Variants in NADSYN1 observed in about 807,000 individuals in gnomAD.
NADSYN1 encodes the protein glutamine-dependent NAD(+) synthetase.
NADSYN1 carries 80 observed loss-of-function variants against 99.3 expected under a neutral mutation model. The observed-to-expected ratio is 0.81, with a 90% confidence interval of 0.67 to 0.97. The LOEUF (loss-of-function observed/expected upper bound fraction) is 0.97. Ranked by LOEUF, NADSYN1 falls within the 50% of genes least tolerant of loss-of-function variation. NADSYN1 has a pLI of 0.00. For missense variants in NADSYN1, 859 were observed against 948.5 expected (o/e 0.91, Z 1.24); for synonymous variants, 385 against 372.1 (o/e 1.03, Z -0.40).
chr11:71,466,533 G>A (rs183885752), intron 5 of NADSYN1, among the ~76,000 whole-genome samples: 75 of 152,332 alleles, frequency 4.9e-4, no homozygotes, highest in Non-Finnish European at 1.2e-4. Flanking sequence ...CTCCGTGGGT[G>A]GATGGCTTTG....
intron 12 of NADSYN1, 89 bp downstream of exon 12, chr11:71,481,493 T>C (rs1949707663): frequency 3.8e-6 from 5 of 1,306,340 alleles, no homozygotes; most frequent in East Asian, 4.6e-5. Flanking sequence ...ATTTTTTTTT[T>C]TTTTTTTAGT....
chr11:71,487,042 G>A (rs982885709), intron 16 of NADSYN1, among the ~76,000 whole-genome samples: 12 of 152,158 alleles, frequency 7.9e-5, no homozygotes, highest in African/African-American at 2.4e-4. Flanking sequence ...TCCTGACCTC[G>A]TGATCCGCCC....
chr11:71,487,371 A>G (rs1565605444), intron 16 of NADSYN1, among the ~76,000 whole-genome samples: 1 of 152,170 alleles, frequency 6.6e-6, no homozygotes, highest in Non-Finnish European at 1.5e-5. Context: ...TTGCTTTTGT[A>G]GATGAGGAAG....
At chr11:71,458,706 C>A (rs987932183) in intron 3 of NADSYN1, 162 bp downstream of exon 3, 11 of 588,862 alleles carry the variant, frequency 1.9e-5, no homozygotes, top group Non-Finnish European at 3.4e-5. Flanking sequence ...ATCTCAGCCC[C>A]GTAAGCCACC....
At chr11:71,471,218 G>A (rs1032088470) in intron 5 of NADSYN1, among the ~76,000 whole-genome samples, 1 of 152,226 alleles carries the variant, frequency 6.6e-6, no homozygotes, top group Non-Finnish European at 1.5e-5. Flanking sequence ...AGAGGTGGCA[G>A]GAAGGTGAGG....
Position 71,490,852 on chromosome 11 carries a change from G to T in NADSYN1, c.1570G>T (p.Gly524Cys). The change falls in exon 17 of 21, where the codon GGC (glycine) becomes TGC (cysteine). Residue 524 changes from glycine to cysteine, a missense_variant. Transcript: ENST00000319023. ...TTCTCCCTCTCCCTGCAGTCTCCTG[G>T]GCTACCTGACCAAGTACGACTGCTC... is the stretch of plus-strand genomic sequence containing the variant. ...GSANVDESLL[G>C]YLTKYDCSSA... The T allele has an allele frequency of 6.2e-7, 1 of 1,614,124 alleles. No individual in the cohort carries two copies. The highest frequency in any genetic ancestry group is 1.1e-5 in the South Asian group (1 of 91,088).
intron 18 of NADSYN1, among the ~76,000 whole-genome samples, chr11:71,493,997 A>AGAAATAAACAAGAAAT (rs1260501932): frequency 6.6e-6 from 1 of 152,202 alleles, no homozygotes; most frequent in East Asian, 1.9e-4. Context: ...AAAACAAACA[A>AGAAATAAACAAGAAAT]AAACAAGAAA....
chr11:71,460,836 G>A (rs1012985367), intron 3 of NADSYN1: 1 of 152,226 alleles, frequency 6.6e-6, no homozygotes, highest in Admixed American at 6.5e-5. Flanking sequence ...AGGGTGCTGA[G>A]TTGGGTCCCC....
intron 5 of NADSYN1, among the ~76,000 whole-genome samples, chr11:71,467,927 C>T (rs899278123): frequency 1.3e-5 from 2 of 152,064 alleles, no homozygotes; most frequent in Non-Finnish European, 2.9e-5. Flanking sequence ...CTTGTGAAAC[C>T]GCAGAACACT....
chr11:71,458,354 A>C, intron 2 of NADSYN1, 74 bp from the exon 3 acceptor site: 2 of 1,116,266 alleles, frequency 1.8e-6, no homozygotes, highest in South Asian at 2.5e-5. Context: ...TTCAGACTGG[A>C]CTGGCCCACA....
intron 16 of NADSYN1, among the ~76,000 whole-genome samples, chr11:71,489,855 G>C (rs919407285): frequency 9.2e-5 from 14 of 152,196 alleles, no homozygotes; most frequent in African/African-American, 3.1e-4. Flanking sequence ...CAAGGTCAAG[G>C]GCACCATTGA....
At chr11:71,462,138 C>T (rs1415808847) in intron 3 of NADSYN1, among the ~76,000 whole-genome samples, 4 of 152,182 alleles carry the variant, frequency 2.6e-5, no homozygotes, top group African/African-American at 9.7e-5. Context: ...CGGGTTCAGG[C>T]CATGACTGGG....
chr11:71,474,366 C>T (rs759996507), intron 8 of NADSYN1, 29 bp from the exon 9 acceptor site: 1 of 1,613,586 alleles, frequency 6.2e-7, no homozygotes, highest in Admixed American at 1.7e-5. Flanking sequence ...CACAGCTGAC[C>T]ACTCCGCTAT....
chr11:71,476,235 C>T (rs1217891703), intron 9 of NADSYN1: 1 of 388,758 alleles, frequency 2.6e-6, no homozygotes, highest in Non-Finnish European at 5.2e-6. Flanking sequence ...CGACGGCCTT[C>T]CACTCTGCTC....
At chr11:71,458,660 G>A (rs775269724) in intron 3 of NADSYN1, 116 bp downstream of exon 3, 32 of 748,926 alleles carry the variant, frequency 4.3e-5, no homozygotes, top group Non-Finnish European at 6.8e-5. Flanking sequence ...CCAGGGATAC[G>A]AAAGGCCTTA....
intron 6 of NADSYN1, among the ~76,000 whole-genome samples, chr11:71,472,919 T>TG (rs1949637198): frequency 6.6e-6 from 1 of 152,050 alleles, no homozygotes; most frequent in African/African-American, 2.4e-5. Flanking sequence ...TGGCTGGGAG[T>TG]GGGGGCCTAG....
intron 18 of NADSYN1, among the ~76,000 whole-genome samples, chr11:71,492,883 CTA>C (rs1178607205): frequency 7.1e-6 from 1 of 140,674 alleles, no homozygotes; most frequent in Non-Finnish European, 1.5e-5. Flanking sequence ...TAAGTTGTCT[CTA>C]AATTTTTTTT....
rs2282620 is a variant in NADSYN1, at chr11:71,472,431, C to G, written c.408-18C>G. On this transcript the variant is annotated intron_variant, in intron 5 of 20. Transcript: ENST00000319023. Reference sequence around the variant, plus strand: ...CCTGAGATGCTCATCCTCAGCTCCTCGGTGTTTTCCTCTCCAGGCACACAG... The same window carrying G: ...CCTGAGATGCTCATCCTCAGCTCCTGGGTGTTTTCCTCTCCAGGCACACAG... 1 of 1,591,680 alleles carries G rather than the reference C, an allele frequency of 6.3e-7. No individual in the cohort carries two copies. Among genetic ancestry groups the G allele is most frequent in the African/African-American group, 1.3e-5 (1 of 74,504 alleles).
intron 2 of NADSYN1, among the ~76,000 whole-genome samples, chr11:71,457,961 G>A (rs562897504): frequency 2.0e-5 from 3 of 152,124 alleles, no homozygotes; most frequent in Non-Finnish European, 4.4e-5. Context: ...ACCTTTTTGG[G>A]GTTCATCATT....
Sources: allele counts gnomAD v4.1 joint callset (sites outside exome capture counted in the v4.1 genomes callset), GRCh38; gene constraint gnomAD v4.1.1; transcripts MANE v1.5; gene names NCBI Gene and HGNC (gene_info 2026-07-23, HGNC 2026-07-21).